CLPTM1: variants seen among roughly 807,000 people sequenced by gnomAD.
CLPTM1 encodes the protein putative lipid scramblase CLPTM1.
A neutral mutation model predicts 77.3 loss-of-function variants in CLPTM1; 21 were observed. The ratio of observed to expected loss-of-function variants is 0.27; its 90% CI spans 0.19 to 0.39. The LOEUF (loss-of-function observed/expected upper bound fraction) is 0.39. Ranked by LOEUF, CLPTM1 falls within the 10% of genes least tolerant of loss-of-function variation. CLPTM1 has a pLI of 1.00. For missense variants in CLPTM1, 642 were observed against 921.2 expected (o/e 0.70, Z 3.92); for synonymous variants, 373 against 381.0 (o/e 0.98, Z 0.24).
At chr19:44,979,722 T>C (rs949481337) in intron 5 of CLPTM1, among the ~76,000 whole-genome samples, 1 of 152,124 alleles carries the variant, frequency 6.6e-6, no homozygotes, top group African/African-American at 2.4e-5. Context: ...ATGTGCTGCG[T>C]TGGTATGTCC....
upstream of CLPTM1, chr19:44,954,696 T>C (rs1251956245): frequency 1.7e-6 from 2 of 1,176,512 alleles, no homozygotes; most frequent in African/African-American, 3.1e-5. Context: ...AGCCCACGGA[T>C]GCGAGGTTTG....
intron 7 of CLPTM1, 168 bp downstream of exon 7, chr19:44,986,743 C>T (rs1240408196): frequency 7.2e-5 from 61 of 849,160 alleles, no homozygotes; most frequent in Non-Finnish European, 9.2e-5. Flanking sequence ...CCCTCTCCCA[C>T]ACCACCACCC....
At chr19:44,970,214 G>A (rs1970696462) in intron 2 of CLPTM1, among the ~76,000 whole-genome samples, 1 of 147,066 alleles carries the variant, frequency 6.8e-6, no homozygotes, top group Non-Finnish European at 1.5e-5. Context: ...GCTGCCCTTC[G>A]TGACTCCTTA....
At chr19:44,955,152 T>A (rs1970438408), upstream of CLPTM1, 1 of 1,535,694 alleles carries the variant, frequency 6.5e-7, no homozygotes, top group Admixed American at 2.0e-5. Flanking sequence ...GAGAAAGTCC[T>A]GGAGTTCGGA....
At position 44,990,444 on chromosome 19, in the gene CLPTM1, C is replaced by G. The variant is rs1165373334; in HGVS notation, c.1182C>G (p.Arg394=). 5.6e-6 allele frequency: 9 copies of G among 1,614,094 alleles called. No individual in the cohort carries two copies. The Admixed American group carries it at 1.5e-4, about 27-fold the overall frequency. ...AGTCCCTGGAGGGCCTGTCCGTGCG[C>G]TCCGTCTTCTTCGGCGTTTTCCAGT... ...SRQSLEGLSV[R]SVFFGVFQSF... Residue 394 remains arginine (R), a synonymous_variant, in exon 10 of 14, where the codon CGC becomes CGG. Coordinates refer to ENST00000337392, the MANE Select transcript of CLPTM1 (RefSeq NM_001294.4). The surrounding 1 kb of genome is among the most constrained non-coding windows in gnomAD (Gnocchi z 4.8).
Position 44,987,405 on chromosome 19 carries a change from G to A in CLPTM1, c.1020G>A (p.Glu340=). The change falls in exon 8 of 14, where the codon GAG becomes GAA. Residue 340 remains glutamate (E), a synonymous_variant. Transcript: ENST00000337392. ...ATGAGTTGTACGAGCAGTCAGATGA[G>A]GAGCAGGACTCGGTGAAGGTGAGTG... ...LGDELYEQSD[E]EQDSVKVALL... The A allele has an allele frequency of 6.2e-7, 1 of 1,613,788 alleles. No individual in the cohort carries two copies. The highest frequency in any genetic ancestry group is 1.1e-5 in the South Asian group (1 of 91,074).
Position 44,991,124 on chromosome 19 carries a change from T to C in CLPTM1, c.1420-114T>C, listed in dbSNP as rs1600049533. 6.4e-7 allele frequency: 1 copy of C among 1,551,898 alleles called. No individual in the cohort carries two copies. Among genetic ancestry groups the C allele is most frequent in the East Asian group, 2.3e-5 (1 of 44,326 alleles). Reference sequence around the variant, plus strand: ...CGAGTCCGGAGTCCCCAGGGCTACCTGGAAATTCCCCCTGCCCGGCCTGCC... The same window carrying C: ...CGAGTCCGGAGTCCCCAGGGCTACCCGGAAATTCCCCCTGCCCGGCCTGCC... On this transcript the variant is annotated intron_variant, in intron 11 of 13. Coordinates refer to ENST00000337392, the MANE Select transcript of CLPTM1 (RefSeq NM_001294.4). This position sits in a 1 kb window ranked among gnomAD's most constrained non-coding sequence, Gnocchi z 5.4.
intron 5 of CLPTM1, among the ~76,000 whole-genome samples, chr19:44,983,667 T>C (rs978424730): frequency 3.0e-5 from 4 of 133,240 alleles, no homozygotes; most frequent in African/African-American, 1.2e-4. Flanking sequence ...AGAAAAATAC[T>C]TAGCTTCTTT....
chr19:44,988,326 G>T (rs917756594), intron 9 of CLPTM1, among the ~76,000 whole-genome samples, 153 bp downstream of exon 9: 2 of 152,190 alleles, frequency 1.3e-5, no homozygotes, highest in African/African-American at 4.8e-5. Flanking sequence ...GGGAGGGGCA[G>T]TGGCCCCAAA....
chr19:44,977,371 T>A lies in CLPTM1; in HGVS notation c.497T>A (p.Ile166Asn). 6.2e-7 allele frequency: 1 copy of A among 1,610,312 alleles called. No homozygotes were observed. Among genetic ancestry groups the A allele is most frequent in the Non-Finnish European group, 8.5e-7 (1 of 1,179,948 alleles). ...GTCCAGCAGAACGGCTCCATCTACATCCACGTTTACTTCACCAAGAGTGGC... is the reference window on the plus strand; with the variant it reads ...GTCCAGCAGAACGGCTCCATCTACAACCACGTTTACTTCACCAAGAGTGGC... Reference protein sequence around the residue: ...QSVQQNGSIYIHVYFTKSGFH... With the variant: ...QSVQQNGSIYNHVYFTKSGFH... Residue 166 changes from isoleucine to asparagine, a missense_variant, in exon 5 of 14, where the codon ATC (isoleucine) becomes AAC (asparagine). Physicochemically the swap from Ile to Asn is moderately radical, Grantham distance 149. Coordinates refer to ENST00000337392, the MANE Select transcript of CLPTM1 (RefSeq NM_001294.4).
Position 44,990,229 on chromosome 19 carries a change from G to A in CLPTM1, c.1133-166G>A. 5 of 675,206 alleles carry A rather than the reference G, an allele frequency of 7.4e-6. No homozygotes were observed. Among genetic ancestry groups the A allele is most frequent in the Non-Finnish European group, 1.0e-5 (4 of 397,358 alleles). 41.8% of individuals were successfully genotyped at this position (675,206 alleles called of 1,614,324 possible). ...TCTGGTGCTCTGGGGGTCACCCAAT[G>A]AATATGAGAGCCTTCCTGGGAGAGA... On this transcript the variant is annotated intron_variant, in intron 9 of 13. Transcript: ENST00000337392. The surrounding 1 kb of genome is among the most constrained non-coding windows in gnomAD (Gnocchi z 4.8).
chr19:44,972,580 A>G (rs1970738346), intron 2 of CLPTM1, among the ~76,000 whole-genome samples: 1 of 152,102 alleles, frequency 6.6e-6, no homozygotes, highest in Non-Finnish European at 1.5e-5. Flanking sequence ...GCCATTAACC[A>G]TCCCCGGTTC....
At chr19:44,971,185 T>A (rs2122271062) in intron 2 of CLPTM1, among the ~76,000 whole-genome samples, 1 of 152,286 alleles carries the variant, frequency 6.6e-6, no homozygotes, top group African/African-American at 2.4e-5. Context: ...CCTGAAGGTT[T>A]GGTAACCTAC....
intron 9 of CLPTM1, among the ~76,000 whole-genome samples, chr19:44,988,728 C>T (rs1053908963): frequency 5.3e-5 from 8 of 152,232 alleles, no homozygotes; most frequent in East Asian, 1.9e-4. Flanking sequence ...CCCAGTCACA[C>T]GGTTCCTAAG....
At chr19:44,985,405 C>G (rs1970962174) in intron 6 of CLPTM1, 102 bp downstream of exon 6, 1 of 797,584 alleles carries the variant, frequency 1.3e-6, no homozygotes, top group East Asian at 2.7e-5. Context: ...ACTGAACCAC[C>G]ATGCCGGCTC....
rs34309230 is a variant in CLPTM1 at position 44,970,400 on chromosome 19, ATT to A, written c.186-2671_186-2670del. Among the ~76,000 whole-genome samples, 128 of 119,960 alleles carry A rather than the reference ATT, an allele frequency of 1.1e-3. 1 individual carries two copies. Among genetic ancestry groups the A allele is most frequent in the East Asian group, 1.6e-3 (7 of 4,442 alleles). The allele number at this position is 119,960 out of a possible 152,430, so 78.7% of individuals were successfully genotyped here. On this transcript the variant is annotated intron_variant, in intron 2 of 13. Transcript: ENST00000337392. ...TATGTTGTATGTGCCCTGGGCTAGC[ATT>A]TTTTTTTTTTTTTTTGAGACAGGGT...
Position 44,993,196 on chromosome 19 carries a change from G to A in CLPTM1, c.*299G>A. 1 of 477,792 alleles carries A rather than the reference G, an allele frequency of 2.1e-6. No homozygotes were observed. Among genetic ancestry groups the A allele is most frequent in the South Asian group, 1.6e-5 (1 of 64,412 alleles). The allele number at this position is 477,792 out of a possible 1,614,324, so 29.6% of individuals were successfully genotyped here. ...CGTTGCCGAGGGGGTGGGTTGGGCG[G>A]GGGTGGGGCCGGGCCCCCCTACGGG... On this transcript the variant is annotated 3_prime_UTR_variant, in exon 14 of 14. Transcript: ENST00000337392.
intron 4 of CLPTM1, 115 bp downstream of exon 4, chr19:44,974,712 CT>C: frequency 1.7e-6 from 2 of 1,165,600 alleles, no homozygotes; most frequent in Non-Finnish European, 2.4e-6. Flanking sequence ...AGGCTTGGCC[CT>C]TCCCTGGGCT....
chr19:44,981,140 CTATTT>C (rs1970890016), intron 5 of CLPTM1, among the ~76,000 whole-genome samples: 1 of 146,070 alleles, frequency 6.8e-6, no homozygotes, highest in African/African-American at 2.5e-5. Flanking sequence ...CGCGCCTGGC[CTATTT>C]TATTTTATTT....
Sources: allele counts gnomAD v4.1 joint callset (sites outside exome capture counted in the v4.1 genomes callset), GRCh38; gene constraint gnomAD v4.1.1; non-coding constraint Gnocchi (gnomAD v3.1); transcripts MANE v1.5; gene names NCBI Gene and HGNC (gene_info 2026-07-23, HGNC 2026-07-21).